HOXB3: variants seen among roughly 807,000 people sequenced by gnomAD.
The protein encoded by HOXB3 is homeobox protein Hox-B3.
HOXB3 carries 17 observed loss-of-function variants against 29.2 expected under a neutral mutation model. That is an observed-to-expected ratio of 0.58 (90% confidence interval 0.40 to 0.87). The LOEUF (loss-of-function observed/expected upper bound fraction) is 0.87, where lower values mean the gene tolerates loss of function less well. HOXB3 is among the 40% of genes least tolerant of loss of function. The probability of loss-of-function intolerance (pLI) is 0.00; values close to 1 mark genes in which losing one functional copy is unlikely to be tolerated. For synonymous variants in HOXB3, 317 were observed against 285.9 expected (o/e 1.11, Z -1.10); for missense variants, 637 against 616.3 (o/e 1.03, Z -0.35).
At chr17:48,587,223 C>T (rs2070064241) in intron 1 of HOXB3, among the ~76,000 whole-genome samples, 1 of 152,078 alleles carries the variant, frequency 6.6e-6, no homozygotes, top group Non-Finnish European at 1.5e-5. Flanking sequence ...CCCCGTTTTT[C>T]CCTTCCCCTC....
chr17:48,569,026 C>CCTTT (rs1567958073), intron 2 of HOXB3, among the ~76,000 whole-genome samples: 1 of 151,186 alleles, frequency 6.6e-6, no homozygotes, highest in Non-Finnish European at 1.5e-5. Flanking sequence ...TTGCTGTCTC[C>CCTTT]CTTTCTTTCT....
intron 4 of HOXB3, 112 bp from the exon 5 acceptor site, chr17:48,551,293 GC>G: frequency 8.4e-7 from 1 of 1,185,980 alleles, no homozygotes; most frequent in Non-Finnish European, 1.1e-6. Flanking sequence ...TGGACTCAGA[GC>G]CCCCGCCGCC....
chr17:48,564,511 C>T (rs1163130176), intron 2 of HOXB3, among the ~76,000 whole-genome samples: 2 of 152,210 alleles, frequency 1.3e-5, no homozygotes, highest in Non-Finnish European at 2.9e-5. Context: ...CGGCAGACGC[C>T]AGTTTCCTGA....
intron 2 of HOXB3, among the ~76,000 whole-genome samples, chr17:48,559,247 T>C (rs1353513503): frequency 2.0e-5 from 3 of 152,096 alleles, no homozygotes; most frequent in South Asian, 4.1e-4. Flanking sequence ...GGATCGTGCC[T>C]GTTTCTCTCC....
rs2069668194 is a variant in HOXB3, at chr17:48,573,839, T to A, written c.-249A>T. 1 of 702,062 alleles carries A rather than the reference T, an allele frequency of 1.4e-6. No individual in the cohort carries two copies. Among genetic ancestry groups the A allele is most frequent in the Non-Finnish European group, 2.6e-6 (1 of 384,784 alleles). 43.5% of individuals were successfully genotyped at this position (702,062 alleles called of 1,614,324 possible). ...AGCCCGGGCCCGGGCTTTGTTACCT[T>A]TGCGCCTCTCGCCTCCTCTCGCCCG... On this transcript the variant is annotated splice_region_variant and 5_prime_UTR_variant, in exon 2 of 5. It introduces an in-frame stop codon into an upstream open reading frame of the 5' UTR. Coordinates refer to ENST00000498678, the MANE Select transcript of HOXB3 (RefSeq NM_001384749.1).
rs2070124273 is a variant in HOXB3, at chr17:48,590,219, C to T, written c.-519G>A. On this transcript the variant is annotated 5_prime_UTR_variant, in exon 1 of 5. In the 5' UTR this introduces an upstream ATG that the reference lacks. Coordinates refer to ENST00000498678, the MANE Select transcript of HOXB3 (RefSeq NM_001384749.1). ...TCACCTACCTCTGCCCCCTTCCCCA[C>T]CACAGCGAGCAGTTAAAGTGTCACT... The T allele has an allele frequency of 6.6e-6, 1 of 152,246 alleles. No individual in the cohort carries two copies. The highest frequency in any genetic ancestry group is 2.4e-5 in the African/African-American group (1 of 41,440). 9.4% of individuals were successfully genotyped at this position (152,246 alleles called of 1,614,324 possible).
chr17:48,555,959 G>A (rs1262358158), intron 2 of HOXB3, among the ~76,000 whole-genome samples: 2 of 151,542 alleles, frequency 1.3e-5, no homozygotes, highest in Non-Finnish European at 2.9e-5. Context: ...TTTTGCACAG[G>A]GAAAAAAAAC....
At chr17:48,569,538 C>T (rs1458379559) in intron 2 of HOXB3, among the ~76,000 whole-genome samples, 1 of 152,144 alleles carries the variant, frequency 6.6e-6, no homozygotes, top group African/African-American at 2.4e-5. Flanking sequence ...CTTCTCCAAG[C>T]CCCTGGATTT....
chr17:48,578,394 C>T, intron 1 of HOXB3: 5 of 1,529,736 alleles, frequency 3.3e-6, no homozygotes, highest in South Asian at 1.2e-5. Context: ...TTTCCGAAAG[C>T]CCTCCTACTT....
rs934536301 is a variant in HOXB3, at chr17:48,554,829, G to A, written c.-159+702C>T. 1.4e-6 allele frequency: 1 copy of A among 702,384 alleles called. No homozygotes were observed. Among genetic ancestry groups the A allele is most frequent in the African/African-American group, 1.7e-5 (1 of 57,388 alleles). The allele number at this position is 702,384 out of a possible 1,614,324, so 43.5% of individuals were successfully genotyped here. Reference sequence around the variant, plus strand: ...TTGCTCAGCAGGGCTCCGGGTTGGAGGGCGCCGAGGCCTGGCGGACGGGAC... The same window carrying A: ...TTGCTCAGCAGGGCTCCGGGTTGGAAGGCGCCGAGGCCTGGCGGACGGGAC... On this transcript the variant is annotated intron_variant, in intron 3 of 4. Coordinates refer to ENST00000498678, the MANE Select transcript of HOXB3 (RefSeq NM_001384749.1). This position sits in a 1 kb window ranked among gnomAD's most constrained non-coding sequence, Gnocchi z 4.1.
At position 48,564,238 on chromosome 17, in the gene HOXB3, G is replaced by C. The variant is rs536236055; in HGVS notation, c.-246-8620C>G. Among the ~76,000 whole-genome samples, 869 of 151,806 alleles carry C rather than the reference G, an allele frequency of 5.7e-3. 14 individuals carry two copies. Among genetic ancestry groups the C allele is most frequent in the African/African-American group, 0.02 (839 of 41,492 alleles). On this transcript the variant is annotated intron_variant, in intron 2 of 4. Coordinates refer to ENST00000498678, the MANE Select transcript of HOXB3 (RefSeq NM_001384749.1). ...CCTGTGCGGTCTTCCGCTAGGGCGC[G>C]GGCAACGGCGGGCGGCCGGGCGCTG... is the stretch of plus-strand genomic sequence containing the variant.
intron 1 of HOXB3, chr17:48,576,609 G>T: frequency 1.1e-6 from 1 of 908,994 alleles, no homozygotes; most frequent in African/African-American, 1.7e-5. Context: ...GGGGAGGGCA[G>T]ATAGATTTTT....
At chr17:48,580,006 T>C (rs2069893889) in intron 1 of HOXB3, 1 of 468,194 alleles carries the variant, frequency 2.1e-6, no homozygotes, top group African/African-American at 2.1e-5. Context: ...GTTTGGGGTG[T>C]GGTTTGAGTG....
chr17:48,550,704 T>C lies in HOXB3; in HGVS notation c.926A>G (p.Gln309Arg). Reference protein sequence around the residue: ...QNAYALPSNYQPPLKGCGAPQ... With the variant: ...QNAYALPSNYRPPLKGCGAPQ... Reference sequence around the variant, plus strand: ...GGCGCCGCAGCCTTTGAGAGGGGGCTGGTAGTTGGAGGGCAGCGCGTAGGC... The same window carrying C: ...GGCGCCGCAGCCTTTGAGAGGGGGCCGGTAGTTGGAGGGCAGCGCGTAGGC... Residue 309 changes from glutamine to arginine, a missense_variant, in exon 5 of 5, where the codon CAG becomes CGG. Coordinates refer to ENST00000498678, the MANE Select transcript of HOXB3 (RefSeq NM_001384749.1). 1 of 1,544,332 alleles carries C rather than the reference T, an allele frequency of 6.5e-7. No homozygotes were observed. The highest frequency in any genetic ancestry group is 2.3e-5 in the East Asian group (1 of 44,132).
chr17:48,588,835 G>T (rs1392988196), intron 1 of HOXB3, among the ~76,000 whole-genome samples: 1 of 152,226 alleles, frequency 6.6e-6, no homozygotes, highest in Non-Finnish European at 1.5e-5. Context: ...TCAGGAGAAA[G>T]AGGACAGGGG....
rs1483093842 is a variant in HOXB3 at position 48,554,558 on chromosome 17, C to T, written c.-159+973G>A. The T allele has an allele frequency of 2.9e-6, 2 of 695,626 alleles. No individual in the cohort carries two copies. Among genetic ancestry groups the T allele is most frequent in the Non-Finnish European group, 2.6e-6 (1 of 381,696 alleles). The allele number at this position is 695,626 out of a possible 1,614,324, so 43.1% of individuals were successfully genotyped here. On this transcript the variant is annotated intron_variant, in intron 3 of 4. Transcript: ENST00000498678. The surrounding 1 kb of genome is among the most constrained non-coding windows in gnomAD (Gnocchi z 4.1). Reference sequence around the variant, plus strand: ...GAAGGTTTGTGCACCCGGGTAGTCCCTGGCTGCTGCTGCCAGGCTGCCTCA... The same window carrying T: ...GAAGGTTTGTGCACCCGGGTAGTCCTTGGCTGCTGCTGCCAGGCTGCCTCA...
rs897815897 is a variant in HOXB3 at position 48,554,914 on chromosome 17, G to A, written c.-159+617C>T. 10 of 686,860 alleles carry A rather than the reference G, an allele frequency of 1.5e-5. No individual in the cohort carries two copies. The highest frequency in any genetic ancestry group is 1.1e-4 in the South Asian group (7 of 66,118). 42.5% of individuals were successfully genotyped at this position (686,860 alleles called of 1,614,324 possible). A position where few individuals can be genotyped will look rare whatever the true frequency, so the allele number is the denominator to read the frequency against. On this transcript the variant is annotated intron_variant, in intron 3 of 4. Coordinates refer to ENST00000498678, the MANE Select transcript of HOXB3 (RefSeq NM_001384749.1). The surrounding 1 kb of genome is among the most constrained non-coding windows in gnomAD (Gnocchi z 4.1). ...GATCTGGGATCCAGAACAAGAGGGG[G>A]TGGGGAACAACTCTACCAAGCCAAA... is the stretch of plus-strand genomic sequence containing the variant.
intron 2 of HOXB3, among the ~76,000 whole-genome samples, chr17:48,563,858 C>A (rs1567955112): frequency 6.6e-6 from 1 of 151,900 alleles, no homozygotes; most frequent in Admixed American, 6.6e-5. Flanking sequence ...CCCAACCCCA[C>A]TGCCCCTAAC....
intron 2 of HOXB3, among the ~76,000 whole-genome samples, chr17:48,564,038 C>T (rs571525597): frequency 7.2e-5 from 11 of 152,042 alleles, no homozygotes; most frequent in African/African-American, 2.7e-4. Context: ...CCTCCACCCC[C>T]AGGTCCCTTT....
Sources: gnomAD v4.1 joint callset for allele counts (sites outside exome capture counted in the v4.1 genomes callset) on GRCh38, gnomAD v4.1.1 for gene constraint, Gnocchi (gnomAD v3.1) non-coding constraint, MANE v1.5 for transcripts, NCBI Gene and HGNC (gene_info 2026-07-23, HGNC 2026-07-21) for gene names.